Variants in CACNA2D3 observed in about 807,000 individuals in gnomAD.
CACNA2D3 encodes the protein calcium voltage-gated channel auxiliary subunit alpha2delta 3.
Under a neutral mutation model 160.6 loss-of-function variants are expected in CACNA2D3, and 60 were observed. The ratio of observed to expected loss-of-function variants is 0.37; its 90% CI spans 0.30 to 0.46. The LOEUF is 0.46. Ranked by LOEUF, CACNA2D3 falls within the 20% of genes least tolerant of loss-of-function variation. CACNA2D3 has a pLI of 1.00. For synonymous variants in CACNA2D3, 558 were observed against 492.9 expected (o/e 1.13, Z -1.75); for missense variants, 1,205 against 1,365.0 (o/e 0.88, Z 1.85).
intron 4 of CACNA2D3, among the ~76,000 whole-genome samples, chr3:54,413,849 C>T (rs1323641831): frequency 6.7e-6 from 1 of 148,460 alleles, no homozygotes; most frequent in Non-Finnish European, 1.5e-5. Flanking sequence ...TTTTAAATTC[C>T]TTCTCTGGTA....
intron 2 of CACNA2D3, among the ~76,000 whole-genome samples, chr3:54,261,009 A>G (rs766468396): frequency 6.6e-6 from 1 of 152,200 alleles, no homozygotes; most frequent in Non-Finnish European, 1.5e-5. Flanking sequence ...TGTAAACATC[A>G]TGAGAATGAG....
rs750271392 is a variant in CACNA2D3, at chr3:54,626,250, C to A, written c.964-1537C>A. ...TAGAGCAGAAGAAGCAGACCTTCCG[C>A]AGGTTCACCTACCGTGGCGTGGACC... On this transcript the variant is annotated intron_variant, in intron 9 of 37. Coordinates refer to ENST00000474759, the MANE Select transcript of CACNA2D3 (RefSeq NM_018398.3). The A allele has an allele frequency of 1.6e-4, 191 of 1,178,458 alleles. 1 individual carries two copies. The highest frequency in any genetic ancestry group is 2.2e-4 in the Non-Finnish European group (180 of 807,442). The allele number at this position is 1,178,458 out of a possible 1,614,324, so 73.0% of individuals were successfully genotyped here. A position where few individuals can be genotyped will look rare whatever the true frequency, so the allele number is the denominator to read the frequency against.
intron 29 of CACNA2D3, 31 bp from the exon 30 acceptor site, chr3:54,984,577 T>C: frequency 7.4e-7 from 1 of 1,352,812 alleles, no homozygotes; most frequent in Non-Finnish European, 1.0e-6. Context: ...GAAGCTGTTT[T>C]TTTGTTTTTG....
intron 17 of CACNA2D3, among the ~76,000 whole-genome samples, chr3:54,863,228 C>T (rs1280862508): frequency 6.6e-6 from 1 of 152,196 alleles, no homozygotes. Context: ...GTCGAGGAGA[C>T]TTTAGAGACG....
intron 2 of CACNA2D3, among the ~76,000 whole-genome samples, chr3:54,128,251 A>C (rs1308728467): frequency 6.6e-6 from 1 of 151,986 alleles, no homozygotes; most frequent in Non-Finnish European, 1.5e-5. Context: ...ATTGGGCCTG[A>C]GCTGACACAG....
chr3:54,537,221 C>T (rs367958520), intron 5 of CACNA2D3, among the ~76,000 whole-genome samples: 38 of 152,000 alleles, frequency 2.5e-4, no homozygotes, highest in Non-Finnish European at 4.3e-4. Flanking sequence ...GCCATGTGCG[C>T]GATTAGGGTT....
At chr3:54,895,761 C>G (rs1045400829) in intron 25 of CACNA2D3, among the ~76,000 whole-genome samples, 1 of 152,172 alleles carries the variant, frequency 6.6e-6, no homozygotes, top group African/African-American at 2.4e-5. Flanking sequence ...ATCCCCCCAC[C>G]GCCTGAGTTG....
intron 9 of CACNA2D3, among the ~76,000 whole-genome samples, chr3:54,624,249 A>G (rs1699047071): frequency 6.6e-6 from 1 of 152,238 alleles, no homozygotes; most frequent in African/African-American, 2.4e-5. Context: ...CAACTGTAAA[A>G]AAGCAACCAT....
intron 9 of CACNA2D3, among the ~76,000 whole-genome samples, chr3:54,596,006 G>A (rs372898861): frequency 6.6e-6 from 1 of 152,040 alleles, no homozygotes; most frequent in Non-Finnish European, 1.5e-5. Context: ...AACCAATTTG[G>A]CTATTAACTA....
At chr3:54,739,447 A>C (rs1455023744) in intron 11 of CACNA2D3, among the ~76,000 whole-genome samples, 1 of 148,478 alleles carries the variant, frequency 6.7e-6, no homozygotes, top group East Asian at 1.9e-4. Context: ...AAAAACAAAA[A>C]AAAAAACCAC....
chr3:54,145,174 G>A (rs1432509281), intron 2 of CACNA2D3, among the ~76,000 whole-genome samples: 2 of 152,202 alleles, frequency 1.3e-5, no homozygotes, highest in African/African-American at 2.4e-5. Context: ...AGTTGTTTTA[G>A]CAGTCTAATA....
intron 2 of CACNA2D3, among the ~76,000 whole-genome samples, chr3:54,214,057 G>C (rs1377221327): frequency 6.6e-6 from 1 of 152,178 alleles, no homozygotes; most frequent in African/African-American, 2.4e-5. Flanking sequence ...AGATATCTTA[G>C]TTGCTGGAGG....
At chr3:54,644,849 A>G (rs1445806237) in intron 11 of CACNA2D3, among the ~76,000 whole-genome samples, 2 of 152,246 alleles carry the variant, frequency 1.3e-5, no homozygotes, top group Admixed American at 1.3e-4. Context: ...GCCACAAGAA[A>G]TAGCCTGAAG....
intron 2 of CACNA2D3, among the ~76,000 whole-genome samples, chr3:54,146,596 G>T (rs58318869): frequency 2.0e-4 from 31 of 152,320 alleles, no homozygotes; most frequent in Admixed American, 7.2e-4. Flanking sequence ...TGTGGGGAAG[G>T]GGGGCGTGGC....
intron 17 of CACNA2D3, among the ~76,000 whole-genome samples, chr3:54,869,524 A>G (rs1699477324): frequency 6.6e-6 from 1 of 152,244 alleles, no homozygotes; most frequent in Admixed American, 6.5e-5. Context: ...CAAAGAAAGA[A>G]CTTCCTCAAA....
At chr3:54,732,827 C>T (rs1198580477) in intron 11 of CACNA2D3, among the ~76,000 whole-genome samples, 2 of 152,164 alleles carry the variant, frequency 1.3e-5, no homozygotes, top group African/African-American at 4.8e-5. Flanking sequence ...TGTGGACCCT[C>T]GAAAAAGTCA....
rs146063176 is a variant in CACNA2D3 at position 54,358,565 on chromosome 3, G to A, written c.322-28150G>A. ...AGGCCTGCAGAGGGAGAACAGGGGC[G>A]CCTCAAGGCCCTTGAGCAATCTCCC... On this transcript the variant is annotated intron_variant, in intron 3 of 37. Coordinates refer to ENST00000474759, the MANE Select transcript of CACNA2D3 (RefSeq NM_018398.3). Among the ~76,000 whole-genome samples, 10 of 152,308 alleles carry A rather than the reference G, an allele frequency of 6.6e-5. No individual in the cohort carries two copies. In the East Asian group the frequency reaches 1.5e-3, roughly 24 times the overall value.
chr3:54,494,920 G>A (rs1701179805), intron 4 of CACNA2D3, among the ~76,000 whole-genome samples: 1 of 152,134 alleles, frequency 6.6e-6, no homozygotes, highest in South Asian at 2.1e-4. Context: ...GAGGACAGCA[G>A]GGGAAACTGC....
At chr3:54,158,872 C>T (rs1371052230) in intron 2 of CACNA2D3, among the ~76,000 whole-genome samples, 2 of 152,202 alleles carry the variant, frequency 1.3e-5, no homozygotes, top group Non-Finnish European at 2.9e-5. Flanking sequence ...TTTGTCCTAC[C>T]TCTGTGCACA....
Sources: gnomAD v4.1 joint callset for allele counts (sites outside exome capture counted in the v4.1 genomes callset) on GRCh38, gnomAD v4.1.1 for gene constraint, MANE v1.5 for transcripts, NCBI Gene and HGNC (gene_info 2026-07-23, HGNC 2026-07-21) for gene names.